NEK1: variants seen among roughly 807,000 people sequenced by gnomAD.
The protein encoded by NEK1 is NIMA related kinase 1.
Under a neutral mutation model 182.1 loss-of-function variants are expected in NEK1, and 137 were observed. The ratio of observed to expected loss-of-function variants is 0.75; its 90% CI spans 0.65 to 0.87. NEK1 has a LOEUF of 0.87. Among genes scored for constraint, NEK1 ranks in the 40% least tolerant of loss-of-function variants. The pLI is 0.00. For missense variants in NEK1, 1,391 were observed against 1,494.4 expected (o/e 0.93, Z 1.14); for synonymous variants, 513 against 492.2 (o/e 1.04, Z -0.56).
chr4:169,506,989 A>G, intron 23 of NEK1, 48 bp downstream of exon 23: 2 of 1,314,616 alleles, frequency 1.5e-6, no homozygotes, highest in Non-Finnish European at 2.1e-6. Flanking sequence ...AGGAAGAGCT[A>G]TAAAAATGTT....
At chr4:169,457,929 A>G (rs1579824893) in intron 27 of NEK1, among the ~76,000 whole-genome samples, 1 of 152,028 alleles carries the variant, frequency 6.6e-6, no homozygotes, top group Admixed American at 6.6e-5. Flanking sequence ...CAATAAAGAG[A>G]TATCTCAAAC....
intron 12 of NEK1, among the ~76,000 whole-genome samples, chr4:169,569,138 C>G (rs944243145): frequency 6.6e-6 from 1 of 152,096 alleles, no homozygotes; most frequent in African/African-American, 2.4e-5. Flanking sequence ...TTATACTACT[C>G]AAATTACTTC....
At chr4:169,396,229 G>A (rs1317094005) in intron 35 of NEK1, among the ~76,000 whole-genome samples, 1 of 151,680 alleles carries the variant, frequency 6.6e-6, no homozygotes, top group Non-Finnish European at 1.5e-5. Flanking sequence ...AGCTGGGTGT[G>A]GTGGCACATG....
intron 12 of NEK1, among the ~76,000 whole-genome samples, chr4:169,562,960 A>T (rs1456553321): frequency 6.6e-6 from 1 of 152,066 alleles, no homozygotes; most frequent in African/African-American, 2.4e-5. Flanking sequence ...TCATGTTATT[A>T]TTTATATCTG....
chr4:169,558,508 T>C (rs1030578702), intron 16 of NEK1, among the ~76,000 whole-genome samples: 2 of 152,242 alleles, frequency 1.3e-5, no homozygotes, highest in Non-Finnish European at 2.9e-5. Context: ...CATTATGTCA[T>C]GTAAATAAAA....
At chr4:169,413,292 G>A (rs1252081730) in intron 31 of NEK1, among the ~76,000 whole-genome samples, 1 of 151,676 alleles carries the variant, frequency 6.6e-6, no homozygotes, top group Non-Finnish European at 1.5e-5. Flanking sequence ...CTCTGCCTCC[G>A]AAGCAGCTGG....
In NEK1 at chr4:169,443,843, T is replaced by C. The variant is rs554850877; in HGVS notation, c.2588-5584A>G. 8.1e-4 allele frequency among the ~76,000 whole-genome samples: 124 copies of C among 152,208 alleles called. 1 individual carries two copies. Among genetic ancestry groups the C allele is most frequent in the African/African-American group, 2.7e-3 (111 of 41,528 alleles). ...AATGGCTTTCTCAGCAGAAAACTTA[T>C]AAGATAGGAGAAAACGGGATGATAT... On this transcript the variant is annotated intron_variant, in intron 27 of 35. Transcript: ENST00000507142.
chr4:169,521,044 G>T (rs77680261), intron 19 of NEK1, among the ~76,000 whole-genome samples: 17,218 of 65,636 alleles, frequency 0.26, 1 homozygote, highest in East Asian at 0.41. Flanking sequence ...CCCAGTTCGC[G>T]CTTCCAGGCT....
chr4:169,402,535 G>T (rs548378818), intron 32 of NEK1, among the ~76,000 whole-genome samples: 3 of 152,240 alleles, frequency 2.0e-5, no homozygotes, highest in Non-Finnish European at 4.4e-5. Context: ...GGAGAATTTT[G>T]TTTCCAAAGT....
At chr4:169,601,279 T>C (rs1357312154) in intron 4 of NEK1, among the ~76,000 whole-genome samples, 1 of 152,184 alleles carries the variant, frequency 6.6e-6, no homozygotes, top group African/African-American at 2.4e-5. Flanking sequence ...ATTTCAATTA[T>C]CTTCTACTTT....
chr4:169,599,781 G>A (rs1293037505), intron 4 of NEK1, among the ~76,000 whole-genome samples: 2 of 152,236 alleles, frequency 1.3e-5, no homozygotes, highest in African/African-American at 4.8e-5. Context: ...CAAACATGAA[G>A]ATGGGCACTG....
At chr4:169,538,654 A>C (rs1758882429) in intron 18 of NEK1, among the ~76,000 whole-genome samples, 1 of 152,178 alleles carries the variant, frequency 6.6e-6, no homozygotes. Context: ...GTAATCAGAG[A>C]ACTCATAGCA....
At chr4:169,566,977 C>T (rs191854577) in intron 12 of NEK1, among the ~76,000 whole-genome samples, 8 of 152,092 alleles carry the variant, frequency 5.3e-5, no homozygotes, top group African/African-American at 1.9e-4. Context: ...CACATGTAGT[C>T]CCAGCTACTT....
chr4:169,513,769 T>C (rs947777456), intron 19 of NEK1, among the ~76,000 whole-genome samples: 2 of 152,178 alleles, frequency 1.3e-5, no homozygotes, highest in African/African-American at 4.8e-5. Flanking sequence ...ATTATTTTTT[T>C]AAATCATGAA....
chr4:169,587,742 A>C, intron 8 of NEK1, 129 bp from the exon 9 acceptor site: 2 of 495,530 alleles, frequency 4.0e-6, no homozygotes, highest in South Asian at 3.9e-5. Flanking sequence ...AAAACTAAAA[A>C]TTTCAACCAT....
chr4:169,494,842 T>C (rs1383689949), intron 23 of NEK1, among the ~76,000 whole-genome samples: 1 of 152,242 alleles, frequency 6.6e-6, no homozygotes, highest in Non-Finnish European at 1.5e-5. Flanking sequence ...ATTTCTCTGA[T>C]GGCCAGTGAT....
chr4:169,489,327 G>A (rs1425205460), intron 23 of NEK1, among the ~76,000 whole-genome samples: 4 of 152,104 alleles, frequency 2.6e-5, no homozygotes, highest in African/African-American at 9.7e-5. Flanking sequence ...AAGGAGGGTG[G>A]TGACATCAGC....
At position 169,561,763 on chromosome 4, in the gene NEK1, C is replaced by G. The variant is rs1304858081; in HGVS notation, c.1141-26G>C. 4.4e-5 allele frequency: 70 copies of G among 1,593,564 alleles called. No individual in the cohort carries two copies. The Admixed American group carries it at 1.2e-3, about 28-fold the overall frequency. On this transcript the variant is annotated intron_variant, in intron 14 of 35. Coordinates refer to ENST00000507142, the MANE Select transcript of NEK1 (RefSeq NM_001199397.3). ...CTGTAACAATTTTAAAGACAAGCTTCTTACAACTCTTGAACCTATTATCAC... is the reference window on the plus strand; with the variant it reads ...CTGTAACAATTTTAAAGACAAGCTTGTTACAACTCTTGAACCTATTATCAC...
intron 23 of NEK1, among the ~76,000 whole-genome samples, chr4:169,495,892 T>C (rs1377939663): frequency 1.3e-5 from 2 of 152,200 alleles, no homozygotes; most frequent in Non-Finnish European, 2.9e-5. Flanking sequence ...GCGGGCTCTT[T>C]TTTGGTTCCA....
Sources: allele counts gnomAD v4.1 joint callset (sites outside exome capture counted in the v4.1 genomes callset), GRCh38; gene constraint gnomAD v4.1.1; transcripts MANE v1.5; gene names NCBI Gene and HGNC (gene_info 2026-07-23, HGNC 2026-07-21).